The following EPHA7 variants were observed in gnomAD, a reference collection of about 807,000 sequenced individuals.
EPHA7 encodes ephrin type-A receptor 7.
A neutral mutation model predicts 112.6 loss-of-function variants in EPHA7; 25 were observed. That is an observed-to-expected ratio of 0.22 (90% CI 0.16 to 0.31). The LOEUF (loss-of-function observed/expected upper bound fraction) is 0.31, where lower values mean the gene tolerates loss of function less well. Among genes scored for constraint, EPHA7 ranks in the 10% least tolerant of loss-of-function variants. The pLI is 1.00. For missense variants in EPHA7, 962 were observed against 1,212.6 expected (o/e 0.79, Z 3.07); for synonymous variants, 437 against 406.5 (o/e 1.07, Z -0.90).
rs533916358 is a variant in EPHA7 at position 93,249,220 on chromosome 6, A to G, written c.2533-2235T>C. ...TATCCCTTTTAAAAGCTATACATCA[A>G]ACAAATATATACAAATGGTAACTCT... On this transcript the variant is annotated intron_variant, in intron 14 of 16. Coordinates refer to ENST00000369303, the MANE Select transcript of EPHA7 (RefSeq NM_004440.4). 2.9e-3 allele frequency among the ~76,000 whole-genome samples: 435 copies of G among 152,246 alleles called. 1 individual carries two copies. The highest frequency in any genetic ancestry group is 3.1e-3 in the Non-Finnish European group (211 of 68,008).
chr6:93,328,569 C>T (rs976196665), intron 5 of EPHA7, among the ~76,000 whole-genome samples: 2 of 151,394 alleles, frequency 1.3e-5, no homozygotes, highest in African/African-American at 4.8e-5. Flanking sequence ...ATACTTTAAT[C>T]ATCTTTCCTC....
At chr6:93,418,244 C>T (rs909376002) in intron 1 of EPHA7, among the ~76,000 whole-genome samples, 2 of 152,064 alleles carry the variant, frequency 1.3e-5, no homozygotes, top group African/African-American at 4.8e-5. Context: ...TTTATTTTTC[C>T]CCAGCTCCAA....
chr6:93,416,482 G>A (rs766966609), intron 1 of EPHA7, among the ~76,000 whole-genome samples: 3 of 152,170 alleles, frequency 2.0e-5, no homozygotes, highest in Non-Finnish European at 4.4e-5. Flanking sequence ...GTGGAAGCAA[G>A]GGACCTAAGC....
rs146075395 is a variant in EPHA7, at chr6:93,319,178, T to C, written c.1324+37539A>G. 4.9e-3 allele frequency among the ~76,000 whole-genome samples: 749 copies of C among 152,170 alleles called. 10 individuals carry two copies. The highest frequency in any genetic ancestry group is 0.017 in the African/African-American group (722 of 41,530). Reference sequence around the variant, plus strand: ...AAATTTAACAACTAAGGAAACTTTATGGTGTGGAAGTTGCAAAATACTCTA... The same window carrying C: ...AAATTTAACAACTAAGGAAACTTTACGGTGTGGAAGTTGCAAAATACTCTA... On this transcript the variant is annotated intron_variant, in intron 5 of 16. Coordinates refer to ENST00000369303, the MANE Select transcript of EPHA7 (RefSeq NM_004440.4).
intron 5 of EPHA7, among the ~76,000 whole-genome samples, chr6:93,276,317 T>C (rs548184515): frequency 1.3e-5 from 2 of 151,960 alleles, no homozygotes; most frequent in African/African-American, 2.4e-5. Flanking sequence ...CAGAGAAACA[T>C]GCAAAGATAC....
chr6:93,308,191 C>T (rs1295003824), intron 5 of EPHA7, among the ~76,000 whole-genome samples: 1 of 152,120 alleles, frequency 6.6e-6, no homozygotes, highest in Non-Finnish European at 1.5e-5. Flanking sequence ...GACATGCTTA[C>T]ATGATAATTC....
chr6:93,336,735 C>T (rs1774899525), intron 5 of EPHA7, among the ~76,000 whole-genome samples: 1 of 152,032 alleles, frequency 6.6e-6, no homozygotes, highest in African/African-American at 2.4e-5. Context: ...GTGAATAGTT[C>T]ATCCCCAATA....
At chr6:93,412,620 G>T (rs1779031463) in intron 2 of EPHA7, among the ~76,000 whole-genome samples, 1 of 152,004 alleles carries the variant, frequency 6.6e-6, no homozygotes, top group Admixed American at 6.6e-5. Context: ...CTTTGTTTCA[G>T]TTAGCTGCCT....
At chr6:93,351,581 T>G (rs1234371588) in intron 5 of EPHA7, among the ~76,000 whole-genome samples, 5 of 152,016 alleles carry the variant, frequency 3.3e-5, no homozygotes, top group African/African-American at 1.2e-4. Flanking sequence ...GTACAGTGAA[T>G]AGTGTAGCAT....
chr6:93,259,394 T>A lies in EPHA7; in HGVS notation c.1884A>T (p.Leu628=), dbSNP rs1474060534. ...GCTCAATTTTAATACAGGAGGCATCTAGCTCCTTGGCGAATTGATGGACAG... is the reference window on the plus strand; with the variant it reads ...GCTCAATTTTAATACAGGAGGCATCAAGCTCCTTGGCGAATTGATGGACAG... ...NRAVHQFAKE[L]DASCIKIERV... The change falls in exon 10 of 17, where the codon CTA becomes CTT. Residue 628 remains leucine, a synonymous_variant. Transcript: ENST00000369303. The A allele has an allele frequency of 6.2e-7, 1 of 1,612,126 alleles. No homozygotes were observed. The highest frequency in any genetic ancestry group is 1.3e-5 in the African/African-American group (1 of 74,816).
intron 5 of EPHA7, among the ~76,000 whole-genome samples, chr6:93,318,816 A>G (rs920086993): frequency 1.3e-5 from 2 of 152,070 alleles, no homozygotes; most frequent in Non-Finnish European, 2.9e-5. Context: ...AGTTACCTCA[A>G]ATTCTAGAAT....
intron 5 of EPHA7, among the ~76,000 whole-genome samples, chr6:93,289,459 A>G (rs2127834137): frequency 6.6e-6 from 1 of 150,758 alleles, no homozygotes; most frequent in East Asian, 1.9e-4. Flanking sequence ...CTCTACTAAA[A>G]ATACAAAAAA....
Position 93,311,162 on chromosome 6 carries a change from C to T in EPHA7, c.1325-38740G>A, listed in dbSNP as rs538407697. Among the ~76,000 whole-genome samples, 7 of 120,674 alleles carry T rather than the reference C, an allele frequency of 5.8e-5. No individual in the cohort carries two copies. In the South Asian group the frequency reaches 1.3e-3, roughly 23 times the overall value. 79.2% of individuals were successfully genotyped at this position (120,674 alleles called of 152,430 possible). A position where few individuals can be genotyped will look rare whatever the true frequency, so the allele number is the denominator to read the frequency against. On this transcript the variant is annotated intron_variant, in intron 5 of 16. Transcript: ENST00000369303. Reference sequence around the variant, plus strand: ...TTTTTACAGAGATTGTAACATCTCACGATGTTACTCAGGTTGGTCTTGAAC... The same window carrying T: ...TTTTTACAGAGATTGTAACATCTCATGATGTTACTCAGGTTGGTCTTGAAC...
intron 13 of EPHA7, among the ~76,000 whole-genome samples, chr6:93,255,494 T>C (rs534734651): frequency 6.6e-6 from 1 of 152,326 alleles, no homozygotes; most frequent in South Asian, 2.1e-4. Flanking sequence ...ATTAGCATAG[T>C]TAATATTCCT....
intron 3 of EPHA7, among the ~76,000 whole-genome samples, chr6:93,408,999 C>A (rs2127993350): frequency 6.6e-6 from 1 of 151,142 alleles, no homozygotes; most frequent in Non-Finnish European, 1.5e-5. Flanking sequence ...TCTTGCAGTA[C>A]AGCTTTGAAA....
intron 5 of EPHA7, among the ~76,000 whole-genome samples, chr6:93,356,312 A>G (rs1444787785): frequency 2.6e-5 from 4 of 151,568 alleles, no homozygotes; most frequent in African/African-American, 9.7e-5. Flanking sequence ...GGTTCAAGTG[A>G]TTCTCCTGCC....
At chr6:93,311,111 G>T (rs569457906) in intron 5 of EPHA7, among the ~76,000 whole-genome samples, 1 of 81,590 alleles carries the variant, frequency 1.2e-5, no homozygotes, top group Admixed American at 1.3e-4. Flanking sequence ...ATCATGCCCA[G>T]CTATTTTTTT....
chr6:93,414,191 A>G (rs537745175), intron 2 of EPHA7, among the ~76,000 whole-genome samples: 32 of 152,028 alleles, frequency 2.1e-4, no homozygotes, highest in South Asian at 2.1e-3. Context: ...ATAAATTTGG[A>G]GAATCTATAT....
At chr6:93,381,989 G>A (rs1329482666) in intron 3 of EPHA7, among the ~76,000 whole-genome samples, 2 of 152,012 alleles carry the variant, frequency 1.3e-5, no homozygotes, top group Non-Finnish European at 2.9e-5. Context: ...CACAAACATT[G>A]CTCCAAATAC....
Sources: allele counts gnomAD v4.1 joint callset (sites outside exome capture counted in the v4.1 genomes callset), GRCh38; gene constraint gnomAD v4.1.1; transcripts MANE v1.5; gene names NCBI Gene and HGNC (gene_info 2026-07-23, HGNC 2026-07-21).